WWOX: variants seen among roughly 807,000 people sequenced by gnomAD.
WWOX encodes the protein WW domain containing oxidoreductase, also known as WW domain-containing oxidoreductase.
Under a neutral mutation model 46.2 loss-of-function variants are expected in WWOX, and 69 were observed. That is an observed-to-expected ratio of 1.49 (90% confidence interval 1.23 to 1.82). The LOEUF (loss-of-function observed/expected upper bound fraction) is 1.82. Among genes scored for constraint, WWOX ranks in the 40% most tolerant of loss-of-function variants. The probability of loss-of-function intolerance (pLI) is 0.00; values close to 1 mark genes in which losing one functional copy is unlikely to be tolerated. For synonymous variants in WWOX, 359 were observed against 202.6 expected (o/e 1.77, Z -6.56); for missense variants, 919 against 542.6 (o/e 1.69, Z -6.89).
At chr16:78,367,768 T>C (rs2081573006) in intron 5 of WWOX, among the ~76,000 whole-genome samples, 1 of 152,016 alleles carries the variant, frequency 6.6e-6, no homozygotes, top group South Asian at 2.1e-4. Flanking sequence ...TTTTTTTCTT[T>C]TTGTTTCGAG....
chr16:78,498,736 A>G (rs2084980205), intron 8 of WWOX, among the ~76,000 whole-genome samples: 1 of 152,162 alleles, frequency 6.6e-6, no homozygotes, highest in Non-Finnish European at 1.5e-5. Context: ...TCTGTTGCCC[A>G]GGCTGGAGTG....
chr16:78,857,567 C>G (rs1168273029), intron 8 of WWOX, among the ~76,000 whole-genome samples: 3 of 152,138 alleles, frequency 2.0e-5, no homozygotes, highest in Non-Finnish European at 4.4e-5. Context: ...AGCTGACTGT[C>G]GGTCAAGAGT....
At chr16:79,065,382 G>C (rs1351700254) in intron 8 of WWOX, among the ~76,000 whole-genome samples, 1 of 152,140 alleles carries the variant, frequency 6.6e-6, no homozygotes, top group East Asian at 1.9e-4. Context: ...GGATAGTTTA[G>C]CAGGAAGGGA....
chr16:78,264,389 G>A, intron 5 of WWOX: 1 of 152,052 alleles, frequency 6.6e-6, no homozygotes, highest in East Asian at 1.9e-4. Flanking sequence ...CCCACCGCCA[G>A]CCCTGCTTAA....
intron 8 of WWOX, among the ~76,000 whole-genome samples, chr16:78,849,274 A>G (rs59667401): frequency 4.5e-4 from 68 of 152,294 alleles, no homozygotes; most frequent in Middle Eastern, 3.4e-3. Flanking sequence ...GAAGTTGTCA[A>G]AAAACACAAC....
Position 78,625,592 on chromosome 16 carries a change from A to G in WWOX, c.1056+192840A>G, listed in dbSNP as rs546639349. 2.0e-5 allele frequency among the ~76,000 whole-genome samples: 3 copies of G among 152,094 alleles called. No homozygotes were observed. In the South Asian group the frequency reaches 6.2e-4, roughly 32 times the overall value. On this transcript the variant is annotated intron_variant, in intron 8 of 8. Transcript: ENST00000566780. Reference sequence around the variant, plus strand: ...ACGTCTTATGTTATTTGGTACATTTATTAAGATTAAATTATTGATACTGAA... The same window carrying G: ...ACGTCTTATGTTATTTGGTACATTTGTTAAGATTAAATTATTGATACTGAA...
intron 8 of WWOX, among the ~76,000 whole-genome samples, chr16:78,829,071 C>A (rs1180167429): frequency 6.6e-6 from 1 of 151,078 alleles, no homozygotes; most frequent in Non-Finnish European, 1.5e-5. Context: ...CATCATAAGT[C>A]AGGGTCCATC....
chr16:79,196,352 T>C (rs1046856578), intron 8 of WWOX: 1 of 152,176 alleles, frequency 6.6e-6, no homozygotes, highest in Admixed American at 6.5e-5. Flanking sequence ...GTCTATATCA[T>C]TCTGTCCTCC....
intron 5 of WWOX, among the ~76,000 whole-genome samples, chr16:78,213,194 A>G (rs995538744): frequency 1.5e-4 from 22 of 149,112 alleles, no homozygotes; most frequent in Admixed American, 1.4e-3. Flanking sequence ...GAGGCTGCAG[A>G]GAGCTGAGAT....
chr16:78,836,581 C>G (rs1042501024), intron 8 of WWOX, among the ~76,000 whole-genome samples: 2 of 152,308 alleles, frequency 1.3e-5, no homozygotes, highest in East Asian at 3.9e-4. Context: ...TCCTCAGTTC[C>G]TGCACTGCAC....
rs150011918 is a variant in WWOX at position 78,436,239 on chromosome 16, C to T, written c.1056+3487C>T. Among the ~76,000 whole-genome samples, 10 of 152,206 alleles carry T rather than the reference C, an allele frequency of 6.6e-5. No individual in the cohort carries two copies. In the East Asian group the frequency reaches 1.9e-3, roughly 30 times the overall value. On this transcript the variant is annotated intron_variant, in intron 8 of 8. Coordinates refer to ENST00000566780, the MANE Select transcript of WWOX (RefSeq NM_016373.4). ...GAACAAGAGTCTGCAAATTGGGAGT[C>T]TGGAAAGGGAAGAGAAGGGCTTTGT...
chr16:78,742,848 C>G (rs2049262264), intron 8 of WWOX, among the ~76,000 whole-genome samples: 2 of 152,192 alleles, frequency 1.3e-5, no homozygotes, highest in African/African-American at 4.8e-5. Context: ...CATTGCGAGT[C>G]TCATGGTCAG....
At chr16:79,104,689 T>C (rs554608231) in intron 8 of WWOX, among the ~76,000 whole-genome samples, 1 of 152,290 alleles carries the variant, frequency 6.6e-6, no homozygotes, top group African/African-American at 2.4e-5. Flanking sequence ...GTAATCCCCG[T>C]TCCTCTGTTG....
chr16:79,029,428 C>G (rs949080623), intron 8 of WWOX, among the ~76,000 whole-genome samples: 2 of 152,216 alleles, frequency 1.3e-5, no homozygotes, highest in Admixed American at 1.3e-4. Context: ...ATGTGTGCAC[C>G]AGTAAAGGGT....
intron 8 of WWOX, among the ~76,000 whole-genome samples, chr16:79,172,165 G>A (rs2050712246): frequency 1.3e-5 from 2 of 152,178 alleles, no homozygotes; most frequent in African/African-American, 2.4e-5. Flanking sequence ...TACGCCCCAT[G>A]AACTTCTCTC....
intron 8 of WWOX, among the ~76,000 whole-genome samples, chr16:78,856,381 G>A (rs894624353): frequency 3.9e-5 from 6 of 152,194 alleles, no homozygotes; most frequent in Non-Finnish European, 7.3e-5. Flanking sequence ...AGTGGCTCAC[G>A]CCTGTAATCG....
At chr16:78,875,766 G>C (rs1306929807) in intron 8 of WWOX, among the ~76,000 whole-genome samples, 1 of 152,270 alleles carries the variant, frequency 6.6e-6, no homozygotes, top group East Asian at 1.9e-4. Flanking sequence ...TGTCAGTGTA[G>C]GCTCTGCATG....
chr16:78,313,220 A>G (rs1457434056), intron 5 of WWOX, among the ~76,000 whole-genome samples: 1 of 152,186 alleles, frequency 6.6e-6, no homozygotes, highest in Non-Finnish European at 1.5e-5. Flanking sequence ...CTTGCTAGCC[A>G]TGGAACCTCA....
At chr16:78,891,920 C>T (rs1002199005) in intron 8 of WWOX, 1 of 152,148 alleles carries the variant, frequency 6.6e-6, no homozygotes, top group African/African-American at 2.4e-5. Flanking sequence ...GAGTTTGCTT[C>T]AGTTCTTTGA....
Sources: gnomAD v4.1 joint callset for allele counts (sites outside exome capture counted in the v4.1 genomes callset) on GRCh38, gnomAD v4.1.1 for gene constraint, MANE v1.5 for transcripts, NCBI Gene and HGNC (gene_info 2026-07-23, HGNC 2026-07-21) for gene names.